Variants in GSTA5 observed in about 807,000 individuals in gnomAD.
GSTA5 encodes the protein glutathione S-transferase alpha 5.
In GSTA5, 25 loss-of-function variants were observed where a neutral mutation model predicts 21.8. That is an observed-to-expected ratio of 1.14 (90% CI 0.83 to 1.60). The LOEUF is 1.60. GSTA5 is among the 40% of genes most tolerant of loss of function. The pLI, the probability that GSTA5 is intolerant of heterozygous loss-of-function variation, is 0.00. For missense variants in GSTA5, 330 were observed against 259.2 expected (o/e 1.27, Z -1.88); for synonymous variants, 102 against 89.5 (o/e 1.14, Z -0.78).
intron 1 of GSTA5, among the ~76,000 whole-genome samples, chr6:52,838,580 AG>A (rs1350951040): frequency 6.6e-6 from 1 of 152,246 alleles, no homozygotes; most frequent in Non-Finnish European, 1.5e-5. Context: ...GCCAGCAACA[AG>A]GCTGTCTCAA....
At chr6:52,840,262 C>A (rs1443852395) in intron 1 of GSTA5, among the ~76,000 whole-genome samples, 1 of 152,142 alleles carries the variant, frequency 6.6e-6, no homozygotes, top group Non-Finnish European at 1.5e-5. Context: ...TTTATGCCCA[C>A]CTACTTCTCC....
chr6:52,836,713 T>C (rs1373547251), intron 2 of GSTA5, among the ~76,000 whole-genome samples: 1 of 152,220 alleles, frequency 6.6e-6, no homozygotes, highest in Non-Finnish European at 1.5e-5. Context: ...GATCTCATCA[T>C]GTTGGCCAAA....
chr6:52,838,076 G>C (rs541460513), intron 1 of GSTA5, among the ~76,000 whole-genome samples: 4 of 152,316 alleles, frequency 2.6e-5, no homozygotes, highest in African/African-American at 9.6e-5. Context: ...CACTTTTCAG[G>C]AACCCTGCTA....
intron 4 of GSTA5, among the ~76,000 whole-genome samples, chr6:52,833,293 TG>T (rs1764243985): frequency 2.0e-5 from 3 of 151,930 alleles, no homozygotes; most frequent in Non-Finnish European, 4.4e-5. Context: ...TGCCTCCATG[TG>T]TTCTGTCTGC....
exon 6 of GSTA5, chr6:52,831,742 T>G: frequency 7.6e-7 from 1 of 1,319,248 alleles, no homozygotes; most frequent in Non-Finnish European, 1.1e-6. Flanking sequence ...TTGGAAAGAG[T>G]TTATTAGCTT....
At chr6:52,832,814 TATAAGAG>T in intron 5 of GSTA5, 38 bp downstream of exon 5, 1 of 1,611,998 alleles carries the variant, frequency 6.2e-7, no homozygotes, top group Non-Finnish European at 8.5e-7. Context: ...GAGATCCCAA[TATAAGAG>T]ATGTGGGGCT....
At position 52,836,388 on chromosome 6, in the gene GSTA5, A is replaced by T; in HGVS notation, c.140-20T>A. On this transcript the variant is annotated intron_variant, in intron 2 of 5. Transcript: ENST00000370989. ...TCCCATCTTAGAAAGAAGAAAAAAA[A>T]AGGAGTATGAAGTGTCTATGAAACC... 1 of 1,612,126 alleles carries T rather than the reference A, an allele frequency of 6.2e-7. No individual in the cohort carries two copies. The highest frequency in any genetic ancestry group is 8.5e-7 in the Non-Finnish European group (1 of 1,179,042).
chr6:52,838,479 C>G (rs371863370), intron 1 of GSTA5, among the ~76,000 whole-genome samples: 3 of 152,188 alleles, frequency 2.0e-5, no homozygotes, highest in Non-Finnish European at 2.9e-5. Context: ...AATTTTGAAA[C>G]TATACTTAGT....
upstream of GSTA5, among the ~76,000 whole-genome samples, chr6:52,841,093 A>G (rs1377978168): frequency 6.6e-6 from 1 of 152,212 alleles, no homozygotes; most frequent in Non-Finnish European, 1.5e-5. Flanking sequence ...GTAATAATAC[A>G]TGTACAGGAG....
chr6:52,844,584 T>A (rs1258571300), upstream of GSTA5, among the ~76,000 whole-genome samples: 1 of 152,200 alleles, frequency 6.6e-6, no homozygotes, highest in Non-Finnish European at 1.5e-5. Context: ...CACTGTTTCT[T>A]ATCGGAGAGA....
chr6:52,844,034 C>T (rs1016616377), upstream of GSTA5, among the ~76,000 whole-genome samples: 2 of 114,714 alleles, frequency 1.7e-5, no homozygotes, highest in Non-Finnish European at 3.8e-5. Flanking sequence ...CCATGGGTCA[C>T]ACACACATGC....
intron 5 of GSTA5, 117 bp from the exon 6 acceptor site, chr6:52,832,087 C>T: frequency 7.2e-7 from 1 of 1,381,104 alleles, no homozygotes; most frequent in African/African-American, 1.5e-5. Flanking sequence ...TCCATGAGTA[C>T]CAGCATGGAG....
chr6:52,834,212 C>T (rs1561926019), exon 4 of GSTA5: 2 of 1,614,066 alleles, frequency 1.2e-6, no homozygotes, highest in South Asian at 1.1e-5. Context: ...TCTCTTTCCT[C>T]TGGTTGACAT....
chr6:52,841,805 A>T (rs758155712), upstream of GSTA5, among the ~76,000 whole-genome samples: 1 of 152,210 alleles, frequency 6.6e-6, no homozygotes, highest in African/African-American at 2.4e-5. Flanking sequence ...ACTTACCCAG[A>T]TTAAGTGGTG....
Position 52,840,612 on chromosome 6 carries a change from C to T in GSTA5, c.87+115G>A, listed in dbSNP as rs1455081464. On this transcript the variant is annotated intron_variant, in intron 1 of 5. Transcript: ENST00000370989. ...ATTCATCTTTTTCTTAATTACAGTC[C>T]ATTTTTATTTAAGGCACAATGCTTC... 8.3e-6 allele frequency: 8 copies of T among 961,264 alleles called. No individual in the cohort carries two copies. The East Asian group carries it at 1.7e-4, about 21-fold the overall frequency. The allele number at this position is 961,264 out of a possible 1,614,324, so 59.5% of individuals were successfully genotyped here. A position where few individuals can be genotyped will look rare whatever the true frequency, so the allele number is the denominator to read the frequency against.
chr6:52,834,306 C>T lies in GSTA5; in HGVS notation c.273-24G>A, dbSNP rs759236684. ...TCCTGAAAGACAAAAACAACCAAAC[C>T]ATCAAATGCCTTTTGCCTTAGATTT... On this transcript the variant is annotated intron_variant, in intron 3 of 5. Transcript: ENST00000370989. The T allele has an allele frequency of 5.6e-6, 9 of 1,593,196 alleles. No homozygotes were observed. In the East Asian group the frequency reaches 1.8e-4, roughly 32 times the overall value.
chr6:52,839,303 T>A (rs1366094286), intron 1 of GSTA5, among the ~76,000 whole-genome samples: 2 of 152,104 alleles, frequency 1.3e-5, no homozygotes, highest in African/African-American at 4.8e-5. Flanking sequence ...GGAACCTGGG[T>A]TCCTCCCAGC....
At chr6:52,842,632 T>C (rs1764394723), upstream of GSTA5, among the ~76,000 whole-genome samples, 2 of 152,126 alleles carry the variant, frequency 1.3e-5, no homozygotes, top group Non-Finnish European at 2.9e-5. Context: ...CTCAAACACC[T>C]GACCTCAGGA....
At chr6:52,839,726 G>T (rs1337044035) in intron 1 of GSTA5, among the ~76,000 whole-genome samples, 2 of 152,154 alleles carry the variant, frequency 1.3e-5, no homozygotes, top group African/African-American at 4.8e-5. Context: ...CTCTGGTCTG[G>T]ACTGGGAAGT....
Sources: gnomAD v4.1 joint callset for allele counts (sites outside exome capture counted in the v4.1 genomes callset) on GRCh38, gnomAD v4.1.1 for gene constraint, MANE v1.5 for transcripts, NCBI Gene and HGNC (gene_info 2026-07-23, HGNC 2026-07-21) for gene names.